The following NOP9 variants were observed in gnomAD, a reference collection of about 807,000 sequenced individuals.
The protein encoded by NOP9 is NOP9 nucleolar protein.
Under a neutral mutation model 63.0 loss-of-function variants are expected in NOP9, and 50 were observed. That is an observed-to-expected ratio of 0.79 (90% CI 0.63 to 1.00). The LOEUF (loss-of-function observed/expected upper bound fraction) is 1.00. Ranked by LOEUF, NOP9 falls within the 50% of genes least tolerant of loss-of-function variation. The pLI is 0.00. For missense variants in NOP9, 758 were observed against 803.0 expected, an observed-to-expected ratio of 0.94 and a Z score of 0.68; for synonymous variants, 343 against 332.8, an observed-to-expected ratio of 1.03 and a Z score of -0.33.
chr14:24,307,780 C>G lies in NOP9; in HGVS notation c.*2685C>G. On this transcript the variant is annotated 3_prime_UTR_variant, in exon 10 of 10. Transcript: ENST00000267425. The stretch of plus-strand genomic sequence containing the variant: ...GAGTATTGTTGCCCTGCCTATATCC[C>G]CTAAAGGTGGAGGGTAGAGCGGAGG... The G allele has an allele frequency of 1.3e-6, 2 of 1,571,208 alleles. No individual in the cohort carries two copies. The highest frequency in any genetic ancestry group is 2.3e-5 in the South Asian group (2 of 86,222).
At position 24,301,956 on chromosome 14, in the gene NOP9, T is replaced by G. The variant is rs201732468; in HGVS notation, c.809-9T>G. The G allele has an allele frequency of 6.2e-7, 1 of 1,603,028 alleles. No individual in the cohort carries two copies. Among genetic ancestry groups the G allele is most frequent in the East Asian group, 2.2e-5 (1 of 44,742 alleles). ...GGAAAGCCGCTTTATTTCTGCCCTC[T>G]CTCCACAGTGTTTATCACTGATAAG... On this transcript the variant is annotated splice_polypyrimidine_tract_variant and intron_variant, in intron 3 of 9. Transcript: ENST00000267425.
At chr14:24,299,356 C>T, upstream of NOP9, 1 of 445,952 alleles carries the variant, frequency 2.2e-6, no homozygotes, top group South Asian at 3.4e-5. Flanking sequence ...GTGGGACTGT[C>T]CAGAGGTGGA....
At chr14:24,299,184 G>A (rs2041321094), upstream of NOP9, 2 of 1,492,154 alleles carry the variant, frequency 1.3e-6, no homozygotes, top group Non-Finnish European at 1.8e-6. Context: ...GTGTGTGTTG[G>A]GGCGAGGTTG....
chr14:24,283,554 C>T, the NOP9 span, among the ~76,000 whole-genome samples: 568 of 152,234 alleles, frequency 3.7e-3, 5 homozygotes, highest in African/African-American at 0.013. Context: ...GAGCTGAGAT[C>T]GCACCACCCA....
the NOP9 span, among the ~76,000 whole-genome samples, chr14:24,290,330 G>T: frequency 2.6e-5 from 4 of 152,348 alleles, no homozygotes; most frequent in South Asian, 2.1e-4. Context: ...CCAGCTAGAA[G>T]GTAGCAGGCA....
At chr14:24,278,292 T>G in the NOP9 span, among the ~76,000 whole-genome samples, 2 of 152,156 alleles carry the variant, frequency 1.3e-5, no homozygotes, top group Admixed American at 1.3e-4. Context: ...TATCTTAGGA[T>G]ATGTTGAGCA....
the NOP9 span, chr14:24,292,057 G>T: frequency 8.6e-7 from 1 of 1,159,136 alleles, no homozygotes; most frequent in Non-Finnish European, 1.3e-6. Flanking sequence ...GAAATAATGT[G>T]TGTCCCATGC....
chr14:24,274,955 G>C, the NOP9 span, among the ~76,000 whole-genome samples: 3 of 134,146 alleles, frequency 2.2e-5, no homozygotes, highest in South Asian at 2.3e-4. Flanking sequence ...TGTTGCCCAG[G>C]CTGGAATGAT....
In NOP9 at chr14:24,305,802, G is replaced by C. The variant is rs1232174747; in HGVS notation, c.*707G>C. The C allele has an allele frequency of 1.2e-6, 2 of 1,606,964 alleles. No individual in the cohort carries two copies. The highest frequency in any genetic ancestry group is 2.2e-5 in the South Asian group (2 of 90,132). ...AGACAAGAGGAAATCAGATGATTTGGAAAACTTGGGAGGAAGCCATCAAGC... is the reference window on the plus strand; with the variant it reads ...AGACAAGAGGAAATCAGATGATTTGCAAAACTTGGGAGGAAGCCATCAAGC... On this transcript the variant is annotated 3_prime_UTR_variant, in exon 10 of 10. Transcript: ENST00000267425.
chr14:24,291,664 AAGAGCACTGCCC>A, the NOP9 span: 1 of 1,586,082 alleles, frequency 6.3e-7, no homozygotes. Flanking sequence ...GTTAATTTCC[AAGAGCACTGCCC>A]AGGTCTCCTC....
In NOP9 at chr14:24,308,497, T is replaced by G. The variant is rs1379915984; in HGVS notation, c.*3402T>G. Reference sequence around the variant, plus strand: ...TGCTTACCTGCTCTTTCCTTCCTCCTTGGTCGGAGGAGGGGCTGGCTCACT... The same window carrying G: ...TGCTTACCTGCTCTTTCCTTCCTCCGTGGTCGGAGGAGGGGCTGGCTCACT... On this transcript the variant is annotated 3_prime_UTR_variant, in exon 10 of 10. Transcript: ENST00000267425. 3.2e-5 allele frequency: 5 copies of G among 154,026 alleles called. No homozygotes were observed. The highest frequency in any genetic ancestry group is 1.2e-4 in the African/African-American group (5 of 41,424). The allele number at this position is 154,026 out of a possible 1,614,324, so 9.5% of individuals were successfully genotyped here.
chr14:24,288,528 T>C, the NOP9 span, among the ~76,000 whole-genome samples: 3 of 152,080 alleles, frequency 2.0e-5, no homozygotes, highest in Non-Finnish European at 4.4e-5. Flanking sequence ...TTTTGTATTT[T>C]TATTAGAGAT....
At chr14:24,288,738 A>G in the NOP9 span, among the ~76,000 whole-genome samples, 1 of 152,194 alleles carries the variant, frequency 6.6e-6, no homozygotes, top group Non-Finnish European at 1.5e-5. Context: ...CAGGATTTGC[A>G]TGACAGTTTA....
the NOP9 span, among the ~76,000 whole-genome samples, chr14:24,275,260 T>C: frequency 2.0e-5 from 3 of 152,204 alleles, no homozygotes; most frequent in Non-Finnish European, 4.4e-5. Flanking sequence ...CTGCCCTCTA[T>C]GTATAGAAAG....
the NOP9 span, chr14:24,290,777 A>C: frequency 1.3e-6 from 2 of 1,558,254 alleles, no homozygotes; most frequent in Non-Finnish European, 1.8e-6. Context: ...TAAACAAGAA[A>C]GGCTGCTGTT....
At chr14:24,287,032 G>A in the NOP9 span, among the ~76,000 whole-genome samples, 1 of 152,252 alleles carries the variant, frequency 6.6e-6, no homozygotes, top group Non-Finnish European at 1.5e-5. Flanking sequence ...TGGGATTACA[G>A]GTGCACGCCA....
At position 24,305,253 on chromosome 14, in the gene NOP9, A is replaced by C; in HGVS notation, c.*158A>C. ...TTAGTTTGAGGGGAAGGGTATGAAG[A>C]CAGATCTCAAGGTAAAGTCAGAGAG... is the stretch of plus-strand genomic sequence containing the variant. On this transcript the variant is annotated 3_prime_UTR_variant, in exon 10 of 10. Coordinates refer to ENST00000267425, the MANE Select transcript of NOP9 (RefSeq NM_174913.3). 2.5e-6 allele frequency: 2 copies of C among 801,630 alleles called. No individual in the cohort carries two copies. The highest frequency in any genetic ancestry group is 3.6e-6 in the Non-Finnish European group (2 of 556,534). 49.7% of individuals were successfully genotyped at this position (801,630 alleles called of 1,614,324 possible). A position where few individuals can be genotyped will look rare whatever the true frequency, so the allele number is the denominator to read the frequency against.
At position 24,304,630 on chromosome 14, in the gene NOP9, A is replaced by AG. The variant is rs780129969; in HGVS notation, c.1753+33dup. 5 of 1,490,940 alleles carry AG rather than the reference A, an allele frequency of 3.4e-6. No homozygotes were observed. The Admixed American group carries it at 6.0e-5, about 18-fold the overall frequency. 92.4% of individuals were successfully genotyped at this position (1,490,940 alleles called of 1,614,324 possible). ...ACCAGCCCCTCTCTTTGATGTTTCC[A>AG]GACTCTCCCCTCTCTTACTCCAGAT... On this transcript the variant is annotated intron_variant, in intron 9 of 9. Transcript: ENST00000267425.
chr14:24,278,266 T>C, the NOP9 span, among the ~76,000 whole-genome samples: 3 of 152,148 alleles, frequency 2.0e-5, no homozygotes, highest in Admixed American at 6.5e-5. Context: ...CTTAGTGCTT[T>C]TGCACCCATC....
Sources: allele counts gnomAD v4.1 joint callset (sites outside exome capture counted in the v4.1 genomes callset), GRCh38; gene constraint gnomAD v4.1.1; transcripts MANE v1.5; gene names NCBI Gene and HGNC (gene_info 2026-07-23, HGNC 2026-07-21).